PDE1C: variants seen among roughly 807,000 people sequenced by gnomAD.
The protein encoded by PDE1C is phosphodiesterase 1C, also known as dual specificity calcium/calmodulin-dependent 3',5'-cyclic nucleotide phosphodiesterase 1C.
In PDE1C, 62 loss-of-function variants were observed where a neutral mutation model predicts 93.1. The observed-to-expected ratio is 0.67, with a 90% confidence interval of 0.54 to 0.82. The LOEUF (loss-of-function observed/expected upper bound fraction) is 0.82. Ranked by LOEUF, PDE1C falls within the 40% of genes least tolerant of loss-of-function variation. The probability of loss-of-function intolerance (pLI) is 0.00; values close to 1 mark genes in which losing one functional copy is unlikely to be tolerated. For synonymous variants in PDE1C, 325 were observed against 310.1 expected (o/e 1.05, Z -0.50); for missense variants, 742 against 884.6 (o/e 0.84, Z 2.04).
chr7:32,100,637 G>T (rs747217913), intron 3 of PDE1C, among the ~76,000 whole-genome samples: 15 of 152,094 alleles, frequency 9.9e-5, no homozygotes, highest in Admixed American at 5.2e-4. Context: ...ACCACAATAA[G>T]AATGCCCAAT....
At chr7:31,907,437 T>C (rs749681687) in intron 2 of PDE1C, among the ~76,000 whole-genome samples, 1 of 152,170 alleles carries the variant, frequency 6.6e-6, no homozygotes, top group Admixed American at 6.6e-5. Context: ...TTATAAACCA[T>C]GAGCCTAACA....
chr7:32,205,878 G>A (rs912451140), intron 2 of PDE1C, among the ~76,000 whole-genome samples: 1 of 152,140 alleles, frequency 6.6e-6, no homozygotes, highest in African/African-American at 2.4e-5. Flanking sequence ...CCATCAGAAT[G>A]AAGAAACTCC....
At chr7:31,965,155 A>G (rs1220282662) in intron 2 of PDE1C, among the ~76,000 whole-genome samples, 1 of 151,922 alleles carries the variant, frequency 6.6e-6, no homozygotes, top group African/African-American at 2.4e-5. Flanking sequence ...AGATCAAACT[A>G]CTCCGAGCTA....
At chr7:32,331,340 C>T (rs11514764) in intron 1 of PDE1C, among the ~76,000 whole-genome samples, 16,625 of 152,130 alleles carry the variant, frequency 0.11, 1,322 homozygotes, top group East Asian at 0.39. Context: ...CGCTGGTGTG[C>T]GAAGCAAGAC....
the PDE1C span, among the ~76,000 whole-genome samples, chr7:31,721,891 G>A: frequency 4.6e-5 from 7 of 152,234 alleles, no homozygotes; most frequent in African/African-American, 1.4e-4. Flanking sequence ...TTTCACCAAG[G>A]GACTCTCATT....
the PDE1C span, among the ~76,000 whole-genome samples, chr7:31,675,664 A>C: frequency 1.3e-5 from 2 of 151,998 alleles, no homozygotes; most frequent in Non-Finnish European, 2.9e-5. Flanking sequence ...AATACCAACA[A>C]TATAATTGCA....
At chr7:32,070,561 T>C, upstream of PDE1C, 1 of 1,443,090 alleles carries the variant, frequency 6.9e-7, no homozygotes, top group Non-Finnish European at 9.1e-7. Context: ...TAGAGCGGAC[T>C]CCGATCGCGG....
At chr7:32,033,199 C>T (rs188849998) in intron 2 of PDE1C, among the ~76,000 whole-genome samples, 7 of 152,036 alleles carry the variant, frequency 4.6e-5, no homozygotes, top group African/African-American at 9.7e-5. Context: ...GTCCTAGAGG[C>T]GTGATGCTCT....
Position 31,965,416 on chromosome 7 carries a change from C to T in PDE1C, c.129-84556G>A, listed in dbSNP as rs532010971. Among the ~76,000 whole-genome samples the T allele has an allele frequency of 3.9e-5, 6 of 152,052 alleles. No individual in the cohort carries two copies. In the East Asian group the frequency reaches 7.8e-4, roughly 20 times the overall value. On this transcript the variant is annotated intron_variant, in intron 2 of 17. Coordinates refer to ENST00000396191, the MANE Select transcript of PDE1C (RefSeq NM_001191057.4). The stretch of plus-strand genomic sequence containing the variant: ...GAAGAGAAGTTTAGAGAAAAAAGAA[C>T]AAAAAGAAACAAACAAAGCCTCCAA...
At chr7:31,995,917 G>C (rs1186916650) in intron 2 of PDE1C, among the ~76,000 whole-genome samples, 1 of 152,094 alleles carries the variant, frequency 6.6e-6, no homozygotes, top group African/African-American at 2.4e-5. Context: ...TGCCTATTTA[G>C]AGAGTAGAAC....
chr7:32,079,750 TG>T (rs1796550685), intron 3 of PDE1C, among the ~76,000 whole-genome samples: 1 of 151,992 alleles, frequency 6.6e-6, no homozygotes, highest in Admixed American at 6.6e-5. Context: ...GTGCCAAGAG[TG>T]GGGAGGCAGG....
intron 2 of PDE1C, among the ~76,000 whole-genome samples, chr7:32,172,349 AAAAC>A (rs1802705747): frequency 6.6e-6 from 1 of 152,178 alleles, no homozygotes. Flanking sequence ...TTACGAGAAA[AAAAC>A]AAACAACACC....
At chr7:31,641,856 G>T in the PDE1C span, among the ~76,000 whole-genome samples, 1 of 152,176 alleles carries the variant, frequency 6.6e-6, no homozygotes. Context: ...TAAGGCATAT[G>T]TGTTTCCTTC....
At chr7:31,643,694 G>A in the PDE1C span, 10 of 1,613,992 alleles carry the variant, frequency 6.2e-6, no homozygotes, top group Non-Finnish European at 8.5e-6. Context: ...TTGACACATG[G>A]GCCCCAGCCC....
intron 1 of PDE1C, among the ~76,000 whole-genome samples, chr7:32,359,802 C>G (rs1301909186): frequency 6.6e-6 from 1 of 152,154 alleles, no homozygotes; most frequent in South Asian, 2.1e-4. Context: ...CATGGAAGAG[C>G]CTTTGCTCAT....
chr7:32,081,646 A>G (rs1796668330), intron 3 of PDE1C, among the ~76,000 whole-genome samples: 1 of 152,162 alleles, frequency 6.6e-6, no homozygotes, highest in Non-Finnish European at 1.5e-5. Context: ...TTTTCTCTTC[A>G]TTTATTGCCA....
chr7:32,356,910 G>T (rs1028064116), intron 1 of PDE1C, among the ~76,000 whole-genome samples: 1 of 151,994 alleles, frequency 6.6e-6, no homozygotes, highest in Non-Finnish European at 1.5e-5. Context: ...CAGTGCATGT[G>T]CACCAGATGA....
chr7:32,327,354 C>G (rs966039285), intron 1 of PDE1C, among the ~76,000 whole-genome samples: 2 of 152,194 alleles, frequency 1.3e-5, no homozygotes, highest in African/African-American at 4.8e-5. Flanking sequence ...ATGTAACCAT[C>G]ACGTGGATCA....
chr7:31,775,986 C>T (rs965261737), intron 16 of PDE1C, among the ~76,000 whole-genome samples: 1 of 152,140 alleles, frequency 6.6e-6, no homozygotes, highest in Non-Finnish European at 1.5e-5. Flanking sequence ...TGCCACTGAG[C>T]AATGCTACAT....
Sources: gnomAD v4.1 joint callset for allele counts (sites outside exome capture counted in the v4.1 genomes callset) on GRCh38, gnomAD v4.1.1 for gene constraint, MANE v1.5 for transcripts, NCBI Gene and HGNC (gene_info 2026-07-23, HGNC 2026-07-21) for gene names.